Variants in ALDH2 observed in about 807,000 individuals in gnomAD.
ALDH2 encodes aldehyde dehydrogenase, mitochondrial.
ALDH2 carries 44 observed loss-of-function variants against 59.6 expected under a neutral mutation model. The ratio of observed to expected loss-of-function variants is 0.74; its 90% CI spans 0.58 to 0.95. The LOEUF is 0.95. Among genes scored for constraint, ALDH2 ranks in the 40% least tolerant of loss-of-function variants. The pLI, the probability that ALDH2 is intolerant of heterozygous loss-of-function variation, is 0.00. For missense variants in ALDH2, 570 were observed against 696.3 expected (o/e 0.82, Z 2.04); for synonymous variants, 291 against 284.0 (o/e 1.02, Z -0.25).
intron 9 of ALDH2, among the ~76,000 whole-genome samples, chr12:111,793,352 TG>T (rs2068377639): frequency 6.6e-6 from 1 of 152,130 alleles, no homozygotes; most frequent in African/African-American, 2.4e-5. Context: ...CTCAAAGTGC[TG>T]GGATTACAGA....
chr12:111,777,387 T>C (rs1284991722), intron 1 of ALDH2, among the ~76,000 whole-genome samples: 1 of 152,152 alleles, frequency 6.6e-6, no homozygotes. Context: ...ACTTCCTCCC[T>C]GGGTGGGGGA....
In ALDH2 at chr12:111,783,193, C is replaced by G; in HGVS notation, c.255C>G (p.Ala85=). ...DVDKAVKAAR[A]AFQLGSPWRR... is the part of the protein sequence containing the mutation. ...ACAAGGCAGTGAAGGCCGCCCGGGC[C>G]GCCTTCCAGCTGGGCTCACCTTGGC... Residue 85 remains alanine, a synonymous_variant, in exon 3 of 13, where the codon GCC becomes GCG. Transcript: ENST00000261733. 1 of 1,613,132 alleles carries G rather than the reference C, an allele frequency of 6.2e-7. No individual in the cohort carries two copies.
At position 111,792,157 on chromosome 12, in the gene ALDH2, G is replaced by A. The variant is rs2068365808; in HGVS notation, c.892G>A (p.Ala298Thr). Residue 298 changes from alanine (A) to threonine (T), a missense_variant, in exon 8 of 13, where the codon GCC (alanine) becomes ACC (threonine). Coordinates refer to ENST00000261733, the MANE Select transcript of ALDH2 (RefSeq NM_000690.4). Reference sequence around the variant, plus strand: ...GAGCCCCAACATCATCATGTCAGATGCCGATAGTGAGTTTCCAGCTGGAGA... The same window carrying A: ...GAGCCCCAACATCATCATGTCAGATACCGATAGTGAGTTTCCAGCTGGAGA... ...GKSPNIIMSD[A>T]DMDWAVEQAH... The A allele has an allele frequency of 1.2e-6, 2 of 1,600,526 alleles. No homozygotes were observed. Among genetic ancestry groups the A allele is most frequent in the Non-Finnish European group, 1.7e-6 (2 of 1,176,216 alleles).
chr12:111,798,229 T>C lies in ALDH2; in HGVS notation c.1235T>C (p.Ile412Thr). Reference protein sequence around the residue: ...VFGDVQDGMTIAKEEIFGPVM... With the variant: ...VFGDVQDGMTTAKEEIFGPVM... ...GGAGATGTGCAGGATGGCATGACCA[T>C]CGCCAAGGAGGAGGTGAGCACTTGG... The change falls in exon 10 of 13, where the codon ATC (isoleucine) becomes ACC (threonine). Residue 412 changes from isoleucine (I) to threonine (T), a missense_variant. Physicochemically the swap from Ile to Thr is moderately conservative, Grantham distance 89. Coordinates refer to ENST00000261733, the MANE Select transcript of ALDH2 (RefSeq NM_000690.4). The C allele has an allele frequency of 1.3e-6, 2 of 1,559,474 alleles. No homozygotes were observed. Among genetic ancestry groups the C allele is most frequent in the African/African-American group, 1.4e-5 (1 of 73,390 alleles).
Position 111,792,118 on chromosome 12 carries a change from G to C in ALDH2, c.853G>C (p.Glu285Gln), listed in dbSNP as rs2068365075. Residue 285 changes from glutamate (E) to glutamine (Q), a missense_variant, in exon 8 of 13, where the codon GAG (glutamate) becomes CAG (glutamine). Physicochemically the swap from Glu to Gln is conservative, Grantham distance 29. Transcript: ENST00000261733. ...CAGCAACCTCAAGAGAGTGACCTTG[G>C]AGCTGGGGGGGAAGAGCCCCAACAT... ...GSSNLKRVTL[E>Q]LGGKSPNIIM... 1 of 1,608,132 alleles carries C rather than the reference G, an allele frequency of 6.2e-7. No individual in the cohort carries two copies. Among genetic ancestry groups the C allele is most frequent in the East Asian group, 2.2e-5 (1 of 44,860 alleles).
rs902391411 is a variant in ALDH2 at position 111,798,450 on chromosome 12, G to A, written c.1248+208G>A. On this transcript the variant is annotated intron_variant, in intron 10 of 12. Transcript: ENST00000261733. ...GCTTGTACCCTCTGTCTGGGAGATC[G>A]TCTGCATTCCTCAGCATGGCCTGCA... is the stretch of plus-strand genomic sequence containing the variant. 2.7e-4 allele frequency among the ~76,000 whole-genome samples: 41 copies of A among 152,194 alleles called. 1 individual carries two copies. Among genetic ancestry groups the A allele is most frequent in the Admixed American group, 4.6e-4 (7 of 15,288 alleles).
chr12:111,786,472 G>A (rs2068310197), intron 4 of ALDH2, among the ~76,000 whole-genome samples: 1 of 152,008 alleles, frequency 6.6e-6, no homozygotes, highest in African/African-American at 2.4e-5. Context: ...TCCTGACCTT[G>A]TGATCCACCC....
At chr12:111,798,589 C>T (rs888775792) in intron 10 of ALDH2, among the ~76,000 whole-genome samples, 3 of 151,822 alleles carry the variant, frequency 2.0e-5, no homozygotes, top group Non-Finnish European at 4.4e-5. Flanking sequence ...GGCTGGAGTG[C>T]AGTGGCATAA....
intron 12 of ALDH2, among the ~76,000 whole-genome samples, chr12:111,809,162 CAT>C (rs1233062764): frequency 2.0e-5 from 3 of 152,094 alleles, no homozygotes; most frequent in Admixed American, 6.6e-5. Flanking sequence ...TCATCAAAAT[CAT>C]AGTTACAGGC....
chr12:111,776,259 C>T (rs1432390370), intron 1 of ALDH2, among the ~76,000 whole-genome samples: 2 of 152,120 alleles, frequency 1.3e-5, no homozygotes, highest in African/African-American at 4.8e-5. Flanking sequence ...AGAGTATAGA[C>T]CTGGCCCTCG....
chr12:111,783,755 C>T (rs555941941), intron 3 of ALDH2, among the ~76,000 whole-genome samples: 3 of 152,358 alleles, frequency 2.0e-5, no homozygotes, highest in East Asian at 1.9e-4. Flanking sequence ...AGTAATCCAC[C>T]TGCCTCAGCC....
chr12:111,776,390 C>T (rs192580138), intron 1 of ALDH2, among the ~76,000 whole-genome samples: 4 of 152,206 alleles, frequency 2.6e-5, no homozygotes, highest in African/African-American at 7.2e-5. Flanking sequence ...TTCACATCAG[C>T]CCCCAGAAGT....
At chr12:111,807,440 G>T (rs2068505766) in intron 12 of ALDH2, among the ~76,000 whole-genome samples, 1 of 152,130 alleles carries the variant, frequency 6.6e-6, no homozygotes, top group African/African-American at 2.4e-5. Context: ...AGCAGGAGGT[G>T]GCCATGTGGG....
chr12:111,784,105 A>T (rs1457239524), intron 3 of ALDH2, among the ~76,000 whole-genome samples: 1 of 152,170 alleles, frequency 6.6e-6, no homozygotes, highest in Non-Finnish European at 1.5e-5. Context: ...AATCCTCAAC[A>T]TGGTCTGTAA....
intron 4 of ALDH2, among the ~76,000 whole-genome samples, chr12:111,786,704 C>G (rs1857821049): frequency 6.6e-6 from 1 of 151,846 alleles, no homozygotes; most frequent in African/African-American, 2.4e-5. Context: ...CATCACCATG[C>G]CTGGATACTT....
intron 1 of ALDH2, among the ~76,000 whole-genome samples, chr12:111,776,161 C>G (rs77148608): frequency 0.016 from 2,370 of 152,234 alleles, 69 homozygotes; most frequent in African/African-American, 0.054. Context: ...GACTGGCCCA[C>G]CTCTCCCCTT....
chr12:111,768,690 G>A (rs1375463390), intron 1 of ALDH2, among the ~76,000 whole-genome samples: 1 of 151,526 alleles, frequency 6.6e-6, no homozygotes, highest in Non-Finnish European at 1.5e-5. Flanking sequence ...TACTAAAAAA[G>A]TAAATTAGTT....
intron 2 of ALDH2, 127 bp from the exon 3 acceptor site, chr12:111,783,031 T>C (rs2068284256): frequency 1.6e-6 from 2 of 1,252,578 alleles, no homozygotes; most frequent in Admixed American, 4.6e-5. Flanking sequence ...AGGAGCATTG[T>C]TTACGGGGCA....
chr12:111,793,327 C>T (rs1181031321), intron 9 of ALDH2, among the ~76,000 whole-genome samples: 1 of 152,030 alleles, frequency 6.6e-6, no homozygotes, highest in Non-Finnish European at 1.5e-5. Flanking sequence ...TCAAGGAGTC[C>T]TCCTGCTTTG....
Sources: allele counts gnomAD v4.1 joint callset (sites outside exome capture counted in the v4.1 genomes callset), GRCh38; gene constraint gnomAD v4.1.1; transcripts MANE v1.5; gene names NCBI Gene and HGNC (gene_info 2026-07-23, HGNC 2026-07-21).